The following RASGRP1 variants were observed in gnomAD, a reference collection of about 807,000 sequenced individuals.
RASGRP1 encodes the protein RAS guanyl releasing protein 1.
RASGRP1 carries 37 observed loss-of-function variants against 95.1 expected under a neutral mutation model. The observed-to-expected ratio is 0.39, with a 90% CI of 0.30 to 0.51. RASGRP1 has a LOEUF of 0.51. RASGRP1 is among the 20% of genes least tolerant of loss of function. RASGRP1 has a pLI of 0.80. For missense variants in RASGRP1, 711 were observed against 965.4 expected, an observed-to-expected ratio of 0.74 and a Z score of 3.49; for synonymous variants, 325 against 353.4, an observed-to-expected ratio of 0.92 and a Z score of 0.90.
intron 2 of RASGRP1, among the ~76,000 whole-genome samples, chr15:38,557,134 G>C (rs1263749116): frequency 6.6e-6 from 1 of 152,158 alleles, no homozygotes; most frequent in Non-Finnish European, 1.5e-5. Flanking sequence ...CTGTTCTACT[G>C]TCAGATGACC....
chr15:38,501,446 C>T (rs909249991), intron 12 of RASGRP1, 159 bp from the exon 13 acceptor site: 2 of 855,326 alleles, frequency 2.3e-6, no homozygotes, highest in African/African-American at 1.7e-5. Context: ...CTACTCTTAA[C>T]AAGGATACAA....
chr15:38,500,269 C>T (rs997867718), intron 13 of RASGRP1, 130 bp from the exon 14 acceptor site: 2 of 855,014 alleles, frequency 2.3e-6, no homozygotes, highest in Admixed American at 1.8e-5. Context: ...ATTTATCTCT[C>T]ATGTCTTGTC....
At chr15:38,514,504 A>C (rs1891681353) in intron 6 of RASGRP1, among the ~76,000 whole-genome samples, 1 of 152,156 alleles carries the variant, frequency 6.6e-6, no homozygotes, top group Admixed American at 6.6e-5. Flanking sequence ...TTTGTAATAA[A>C]CAGAAGATAT....
At chr15:38,553,105 C>A (rs1048552868) in intron 2 of RASGRP1, among the ~76,000 whole-genome samples, 2 of 152,174 alleles carry the variant, frequency 1.3e-5, no homozygotes, top group Admixed American at 6.5e-5. Context: ...AGGTGGCATG[C>A]CCAGGAAGCT....
At chr15:38,549,078 G>A (rs1353918218) in intron 2 of RASGRP1, among the ~76,000 whole-genome samples, 3 of 152,192 alleles carry the variant, frequency 2.0e-5, no homozygotes, top group South Asian at 2.1e-4. Flanking sequence ...GGCCAGAGGC[G>A]AGGGTCCTAT....
chr15:38,532,083 A>G (rs917515566), intron 2 of RASGRP1, among the ~76,000 whole-genome samples: 2 of 152,154 alleles, frequency 1.3e-5, no homozygotes, highest in Non-Finnish European at 2.9e-5. Context: ...AGGAAGATCT[A>G]CCTTCCAGGC....
rs577753288 is a variant in RASGRP1, at chr15:38,495,550, G to A, written c.1874-783C>T. On this transcript the variant is annotated intron_variant, in intron 15 of 16. Transcript: ENST00000310803. ...ACTTTGAAGACATTGGATTAGTATA[G>A]TCAAGATGGCTTTAAAAAACAACAA... is the stretch of plus-strand genomic sequence containing the variant. Among the ~76,000 whole-genome samples the A allele has an allele frequency of 6.6e-5, 10 of 152,300 alleles. No individual in the cohort carries two copies. In the South Asian group the frequency reaches 1.7e-3, roughly 25 times the overall value.
At chr15:38,562,412 A>G (rs1566941595) in intron 1 of RASGRP1, among the ~76,000 whole-genome samples, 1 of 152,196 alleles carries the variant, frequency 6.6e-6, no homozygotes, top group Admixed American at 6.5e-5. Flanking sequence ...ACAGGCTAGA[A>G]GCCAGCCCCT....
chr15:38,528,737 T>C (rs1892328709), intron 2 of RASGRP1, among the ~76,000 whole-genome samples: 1 of 152,226 alleles, frequency 6.6e-6, no homozygotes, highest in Non-Finnish European at 1.5e-5. Context: ...ACACTTTCAC[T>C]ACTATTTTCT....
At chr15:38,511,805 C>T (rs1891531465) in intron 7 of RASGRP1, 85 bp from the exon 8 acceptor site, 7 of 950,526 alleles carry the variant, frequency 7.4e-6, no homozygotes, top group Non-Finnish European at 1.1e-5. Flanking sequence ...TGTCTCTGTG[C>T]CGTGAGTCTC....
chr15:38,551,580 T>A (rs1595881356), intron 2 of RASGRP1, among the ~76,000 whole-genome samples: 1 of 152,168 alleles, frequency 6.6e-6, no homozygotes, highest in East Asian at 1.9e-4. Context: ...ATTAATTAAA[T>A]CTTTGGAATA....
At chr15:38,503,464 C>T (rs754643873) in intron 10 of RASGRP1, 88 bp from the exon 11 acceptor site, 11 of 975,842 alleles carry the variant, frequency 1.1e-5, no homozygotes, top group African/African-American at 1.6e-5. Flanking sequence ...CTGACGGTTA[C>T]ATTTATGGAC....
intron 5 of RASGRP1, among the ~76,000 whole-genome samples, chr15:38,517,581 T>C (rs920457089): frequency 6.6e-6 from 1 of 152,168 alleles, no homozygotes; most frequent in African/African-American, 2.4e-5. Flanking sequence ...ATGAGTCACA[T>C]TCTTGCTGAG....
At chr15:38,512,989 A>G (rs1566918722) in intron 6 of RASGRP1, 33 bp from the exon 7 acceptor site, 1 of 1,466,172 alleles carries the variant, frequency 6.8e-7, no homozygotes, top group Non-Finnish European at 9.0e-7. Flanking sequence ...AACAAAAAAA[A>G]CCTATCAGTA....
intron 2 of RASGRP1, among the ~76,000 whole-genome samples, chr15:38,536,764 C>G (rs1892664994): frequency 1.3e-5 from 2 of 152,244 alleles, no homozygotes; most frequent in African/African-American, 4.8e-5. Context: ...CTTTTCACCA[C>G]AGAAACTGTT....
chr15:38,547,139 ATAAAC>A (rs1240541359), intron 2 of RASGRP1, among the ~76,000 whole-genome samples: 3 of 152,224 alleles, frequency 2.0e-5, no homozygotes, highest in Non-Finnish European at 4.4e-5. Context: ...GAGTACGACT[ATAAAC>A]TAGCTTTGAA....
At chr15:38,560,231 T>C in intron 1 of RASGRP1, 1 of 559,542 alleles carries the variant, frequency 1.8e-6, no homozygotes, top group South Asian at 2.0e-5. Context: ...CTCTTCATCC[T>C]GGCATTAGGA....
intron 2 of RASGRP1, among the ~76,000 whole-genome samples, chr15:38,538,935 C>A (rs1892761563): frequency 6.6e-6 from 1 of 152,150 alleles, no homozygotes; most frequent in South Asian, 2.1e-4. Context: ...CACATGAAAC[C>A]CTCACCCTGG....
At position 38,489,861 on chromosome 15, in the gene RASGRP1, T is replaced by C. The variant is rs2141068813; in HGVS notation, c.*693A>G. 1 of 152,272 alleles carries C rather than the reference T, an allele frequency of 6.6e-6. No individual in the cohort carries two copies. The highest frequency in any genetic ancestry group is 1.9e-4 in the East Asian group (1 of 5,180). 9.4% of individuals were successfully genotyped at this position (152,272 alleles called of 1,614,324 possible). On this transcript the variant is annotated 3_prime_UTR_variant, in exon 17 of 17. Transcript: ENST00000310803. ...ATAGCTATGTTTCCAGGTACCTAATTTGATTACTTATTTTCTGATGCCTGT... is the reference window on the plus strand; with the variant it reads ...ATAGCTATGTTTCCAGGTACCTAATCTGATTACTTATTTTCTGATGCCTGT...
Sources: gnomAD v4.1 joint callset for allele counts (sites outside exome capture counted in the v4.1 genomes callset) on GRCh38, gnomAD v4.1.1 for gene constraint, MANE v1.5 for transcripts, NCBI Gene and HGNC (gene_info 2026-07-23, HGNC 2026-07-21) for gene names.